The following CSMD1 variants were observed in gnomAD, a reference collection of about 807,000 sequenced individuals.
CSMD1 encodes the protein CUB and Sushi multiple domains 1, also known as CUB and sushi domain-containing protein 1.
In CSMD1, 213 loss-of-function variants were observed where a neutral mutation model predicts 417.5. That is an observed-to-expected ratio of 0.51 (90% CI 0.46 to 0.57). CSMD1 has a LOEUF of 0.57. Among genes scored for constraint, CSMD1 ranks in the 20% least tolerant of loss-of-function variants. The pLI is 0.00. For missense variants in CSMD1, 6,923 were observed against 4,529.7 expected, an observed-to-expected ratio of 1.53 and a Z score of -15.17; for synonymous variants, 2,862 against 1,736.8, an observed-to-expected ratio of 1.65 and a Z score of -16.11.
At chr8:3,515,742 G>A (rs1797256635) in intron 10 of CSMD1, among the ~76,000 whole-genome samples, 1 of 152,184 alleles carries the variant, frequency 6.6e-6, no homozygotes. Context: ...TCAGGTGTAT[G>A]CCTTCCCCAT....
At chr8:3,951,228 C>G in intron 5 of CSMD1, among the ~76,000 whole-genome samples, 1 of 152,134 alleles carries the variant, frequency 6.6e-6, no homozygotes, top group East Asian at 1.9e-4. Context: ...ACTGCACAGG[C>G]GGGCACGGGT....
In CSMD1 at chr8:3,402,355, C is replaced by T. The variant is rs1191362262; in HGVS notation, c.2267-2826G>A. Among the ~76,000 whole-genome samples the T allele has an allele frequency of 3.3e-5, 5 of 152,128 alleles. No homozygotes were observed. The East Asian group carries it at 5.8e-4, about 18-fold the overall frequency. ...TTTATCTTTTGCTAAAAAAATCACCCGTTTTCTACAGACTTTAAGCTTTGC... is the reference window on the plus strand; with the variant it reads ...TTTATCTTTTGCTAAAAAAATCACCTGTTTTCTACAGACTTTAAGCTTTGC... On this transcript the variant is annotated intron_variant, in intron 15 of 69. Coordinates refer to ENST00000635120, the MANE Select transcript of CSMD1 (RefSeq NM_033225.6).
intron 59 of CSMD1, among the ~76,000 whole-genome samples, chr8:2,964,955 T>C (rs1487427263): frequency 6.6e-6 from 1 of 152,166 alleles, no homozygotes; most frequent in Non-Finnish European, 1.5e-5. Context: ...CCCTCAGTAT[T>C]TTATTTGTTC....
chr8:4,107,684 A>C (rs1801638614), intron 3 of CSMD1, among the ~76,000 whole-genome samples: 1 of 152,158 alleles, frequency 6.6e-6, no homozygotes, highest in Non-Finnish European at 1.5e-5. Context: ...TGTGTCCAAC[A>C]TGACAGGGAA....
intron 3 of CSMD1, among the ~76,000 whole-genome samples, chr8:4,261,320 T>C (rs1053851337): frequency 1.3e-5 from 2 of 152,126 alleles, no homozygotes; most frequent in Non-Finnish European, 2.9e-5. Flanking sequence ...GAAAGAAAAA[T>C]ACTGTGTAAT....
At chr8:4,379,989 A>G (rs1037852546) in intron 3 of CSMD1, among the ~76,000 whole-genome samples, 3 of 152,240 alleles carry the variant, frequency 2.0e-5, no homozygotes, top group African/African-American at 7.2e-5. Flanking sequence ...GAATAGCATC[A>G]GTATTGCAGA....
At chr8:3,175,513 T>TTTTTCC in intron 37 of CSMD1, among the ~76,000 whole-genome samples, 1 of 53,834 alleles carries the variant, frequency 1.9e-5, no homozygotes, top group East Asian at 6.4e-4. Flanking sequence ...GCCTGCCTTT[T>TTTTTCC]TTCCTTCCTT....
chr8:4,877,158 A>G (rs1473395098), intron 1 of CSMD1, among the ~76,000 whole-genome samples: 3 of 152,008 alleles, frequency 2.0e-5, no homozygotes, highest in Non-Finnish European at 4.4e-5. Context: ...CACATTTTAC[A>G]CTTGAAGATG....
chr8:4,281,270 A>C (rs1796767097), intron 3 of CSMD1, among the ~76,000 whole-genome samples: 1 of 152,236 alleles, frequency 6.6e-6, no homozygotes, highest in Non-Finnish European at 1.5e-5. Flanking sequence ...TCTCGACAGC[A>C]TTATGGGAAA....
intron 10 of CSMD1, among the ~76,000 whole-genome samples, chr8:3,540,027 T>A (rs998324223): frequency 6.6e-6 from 1 of 152,210 alleles, no homozygotes; most frequent in Non-Finnish European, 1.5e-5. Context: ...CTGCTTCTGT[T>A]GTGTCTGCTG....
intron 3 of CSMD1, among the ~76,000 whole-genome samples, chr8:4,063,386 A>C (rs1359469531): frequency 6.6e-6 from 1 of 152,206 alleles, no homozygotes; most frequent in Non-Finnish European, 1.5e-5. Flanking sequence ...TCAGACAAGT[A>C]AACTATATAG....
intron 50 of CSMD1, among the ~76,000 whole-genome samples, chr8:3,034,259 T>C (rs887454727): frequency 6.6e-6 from 1 of 152,222 alleles, no homozygotes; most frequent in Non-Finnish European, 1.5e-5. Flanking sequence ...GCCCATGCTT[T>C]TTTGTCCTTT....
chr8:3,966,761 G>A (rs111315639), intron 5 of CSMD1, among the ~76,000 whole-genome samples: 82,323 of 148,554 alleles, frequency 0.55, 22,782 homozygotes, highest in East Asian at 0.79. Flanking sequence ...ACACGCGCGC[G>A]CGCGCACACA....
At chr8:4,095,551 G>C (rs1800963808) in intron 3 of CSMD1, among the ~76,000 whole-genome samples, 1 of 152,142 alleles carries the variant, frequency 6.6e-6, no homozygotes, top group East Asian at 1.9e-4. Flanking sequence ...AACTTTTAAG[G>C]AACTGGGAAT....
intron 1 of CSMD1, among the ~76,000 whole-genome samples, chr8:4,719,423 C>T (rs1321757346): frequency 6.6e-6 from 1 of 152,106 alleles, no homozygotes; most frequent in Non-Finnish European, 1.5e-5. Context: ...GCATTAAAAG[C>T]ATCATTATAA....
At chr8:3,268,483 G>T (rs1461088515) in intron 26 of CSMD1, among the ~76,000 whole-genome samples, 1 of 151,668 alleles carries the variant, frequency 6.6e-6, no homozygotes, top group African/African-American at 2.4e-5. Context: ...TAGAGACAGG[G>T]TTTCACCGTG....
chr8:4,195,985 G>C (rs1799317987), intron 3 of CSMD1, among the ~76,000 whole-genome samples: 1 of 152,108 alleles, frequency 6.6e-6, no homozygotes, highest in Admixed American at 6.5e-5. Context: ...ACCGAGGTGA[G>C]CGGATCATGA....
At chr8:4,293,414 C>A (rs567222830) in intron 3 of CSMD1, among the ~76,000 whole-genome samples, 1 of 152,270 alleles carries the variant, frequency 6.6e-6, no homozygotes, top group African/African-American at 2.4e-5. Context: ...TTAACCAAAG[C>A]TACGGCTAAA....
At chr8:3,532,768 ATGG>A (rs1417067174) in intron 10 of CSMD1, among the ~76,000 whole-genome samples, 2 of 152,212 alleles carry the variant, frequency 1.3e-5, no homozygotes, top group African/African-American at 4.8e-5. Context: ...CAACATAATA[ATGG>A]TGAAGACTGT....
Sources: gnomAD v4.1 joint callset for allele counts (sites outside exome capture counted in the v4.1 genomes callset) on GRCh38, gnomAD v4.1.1 for gene constraint, MANE v1.5 for transcripts, NCBI Gene and HGNC (gene_info 2026-07-23, HGNC 2026-07-21) for gene names.